Variants in RBM19 observed in about 807,000 individuals in gnomAD.
The protein encoded by RBM19 is RNA binding motif protein 19, also known as probable RNA-binding protein 19.
RBM19 carries 94 observed loss-of-function variants against 116.8 expected under a neutral mutation model. The ratio of observed to expected loss-of-function variants is 0.80; its 90% CI spans 0.68 to 0.95. The LOEUF is 0.95. Among genes scored for constraint, RBM19 ranks in the 40% least tolerant of loss-of-function variants. The pLI is 0.00. For missense variants in RBM19, 1,161 were observed against 1,220.7 expected (o/e 0.95, Z 0.73); for synonymous variants, 475 against 494.1 (o/e 0.96, Z 0.51).
chr12:113,924,879 G>A (rs533243993), intron 17 of RBM19, 122 bp from the exon 18 acceptor site: 1 of 791,266 alleles, frequency 1.3e-6, no homozygotes, highest in African/African-American at 1.7e-5. Flanking sequence ...AAAACATTTT[G>A]AGGTGATGAG....
intron 16 of RBM19, among the ~76,000 whole-genome samples, chr12:113,928,079 G>A (rs1462790407): frequency 3.3e-5 from 5 of 152,312 alleles, no homozygotes; most frequent in African/African-American, 4.8e-5. Flanking sequence ...GCTCATGCCT[G>A]TAATCCCAGC....
intron 22 of RBM19, among the ~76,000 whole-genome samples, chr12:113,850,233 G>C: frequency 6.6e-6 from 1 of 152,312 alleles, no homozygotes; most frequent in South Asian, 2.1e-4. Flanking sequence ...CCTTGACCGG[G>C]GGACAGGTGG....
intron 22 of RBM19, among the ~76,000 whole-genome samples, chr12:113,849,406 G>A (rs1041609778): frequency 1.3e-5 from 2 of 152,250 alleles, no homozygotes; most frequent in African/African-American, 4.8e-5. Flanking sequence ...AGCTGGGGAC[G>A]CAGGGCTGGC....
intron 16 of RBM19, among the ~76,000 whole-genome samples, chr12:113,928,886 A>G (rs1374347489): frequency 6.6e-6 from 1 of 152,060 alleles, no homozygotes; most frequent in East Asian, 1.9e-4. Context: ...CCTCCTCCAA[A>G]GACAAGGCTT....
chr12:113,848,306 T>C (rs554573722), intron 22 of RBM19, among the ~76,000 whole-genome samples: 1 of 152,274 alleles, frequency 6.6e-6, no homozygotes, highest in East Asian at 1.9e-4. Flanking sequence ...CAATACGTGG[T>C]TCTCCAAAAA....
At chr12:113,931,164 T>G (rs1338505286) in intron 16 of RBM19, among the ~76,000 whole-genome samples, 1 of 152,154 alleles carries the variant, frequency 6.6e-6, no homozygotes, top group Non-Finnish European at 1.5e-5. Context: ...TAAATTAATG[T>G]GAGTATATTG....
chr12:113,844,829 C>A (rs1409932259), intron 22 of RBM19, 41 bp from the exon 23 acceptor site: 2 of 1,554,468 alleles, frequency 1.3e-6, no homozygotes, highest in East Asian at 2.3e-5. Flanking sequence ...TCAGCTGGAT[C>A]AGTGCGGCAG....
Position 113,945,925 on chromosome 12 carries a change from C to G in RBM19, c.1530-1G>C, listed in dbSNP as rs780262254. 1.9e-6 allele frequency: 3 copies of G among 1,563,098 alleles called. No homozygotes were observed. Among genetic ancestry groups the G allele is most frequent in the Non-Finnish European group, 2.6e-6 (3 of 1,133,652 alleles). ...GAATAGTGTGTTCCAGTTGTGAGAG[C>G]TAAGAGGCAGAGGCAGAACAGGGAG... is the stretch of plus-strand genomic sequence containing the variant. On this transcript the variant is annotated splice_acceptor_variant, in intron 12 of 23. Transcript: ENST00000261741. LOFTEE classifies it high-confidence loss of function.
rs1409344895 is a variant in RBM19, at chr12:113,956,487, A to G, written c.841-1276T>C. Among the ~76,000 whole-genome samples, 59 of 149,518 alleles carry G rather than the reference A, an allele frequency of 3.9e-4. No individual in the cohort carries two copies. In the Admixed American group the frequency reaches 4.0e-3, roughly 10 times the overall value. ...TCCCAGCTACTCGGGAGGCTGAGGC[A>G]TGAGAATCACTTGAACCCGGGAGGC... On this transcript the variant is annotated intron_variant, in intron 6 of 23. Transcript: ENST00000261741.
At chr12:113,850,788 TCCCTG>T (rs1593481632) in intron 22 of RBM19, among the ~76,000 whole-genome samples, 2 of 152,204 alleles carry the variant, frequency 1.3e-5, no homozygotes, top group East Asian at 1.9e-4. Context: ...CAGGGAGCTG[TCCCTG>T]GCAAAGCCAG....
At chr12:113,829,450 G>C (rs118139943) in intron 23 of RBM19, among the ~76,000 whole-genome samples, 4,515 of 152,322 alleles carry the variant, frequency 0.03, 231 homozygotes, top group Admixed American at 0.14. Context: ...CCTGTTAAAC[G>C]GGGACGGTGC....
intron 21 of RBM19, among the ~76,000 whole-genome samples, chr12:113,863,211 CTGTGTGTG>C (rs3065431): frequency 1.3e-5 from 2 of 148,412 alleles, no homozygotes; most frequent in African/African-American, 2.5e-5. Context: ...ATACGTGTGT[CTGTGTGTG>C]TGTGTGTGTG....
downstream of RBM19, among the ~76,000 whole-genome samples, chr12:113,819,458 G>A (rs193017145): frequency 6.6e-6 from 1 of 152,304 alleles, no homozygotes; most frequent in Non-Finnish European, 1.5e-5. Flanking sequence ...TGTGGCTGAG[G>A]CAGTTTCCTG....
chr12:113,896,973 T>C lies in RBM19; in HGVS notation c.2558+17996A>G, dbSNP rs971524240. Among the ~76,000 whole-genome samples the C allele has an allele frequency of 3.9e-4, 59 of 152,182 alleles. 2 individuals carry two copies. Among genetic ancestry groups the C allele is most frequent in the Admixed American group, 3.5e-3 (53 of 15,282 alleles). On this transcript the variant is annotated intron_variant, in intron 21 of 23. Transcript: ENST00000261741. ...ACCATCTCTGACAGATGTGGCTGTT[T>C]TTCCTCAGAAATCTGAAATAGCCCA...
chr12:113,959,855 A>T lies in RBM19; in HGVS notation c.378+10T>A. 1 of 1,614,014 alleles carries T rather than the reference A, an allele frequency of 6.2e-7. No individual in the cohort carries two copies. The highest frequency in any genetic ancestry group is 8.5e-7 in the Non-Finnish European group (1 of 1,179,966). On this transcript the variant is annotated intron_variant, in intron 4 of 23. Transcript: ENST00000261741. ...CCCTCTCTCCTCCTTGGGCAACAGG[A>T]CAGACTCACCTTCTCCAGTTGACCT...
chr12:113,820,025 G>A (rs73205394), downstream of RBM19, among the ~76,000 whole-genome samples: 122 of 151,064 alleles, frequency 8.1e-4, no homozygotes, highest in Admixed American at 2.8e-3. Flanking sequence ...TGAGTGCTGT[G>A]ACTGAGAGGG....
Position 113,915,081 on chromosome 12 carries a change from C to T in RBM19, c.2446G>A (p.Ala816Thr). ...TGTTTCTTCCGAGCCAATGTCACGG[C>T]TGGCCTGGAGTGGTGGGGGGAGAGG... ...VRISERATKP[A>T]VTLARKKQVP... The change falls in exon 21 of 24, where the codon GCC becomes ACC. Residue 816 changes from alanine (A) to threonine (T), a missense_variant. By Grantham distance (58) the Ala-to-Thr change is moderately conservative. Transcript: ENST00000261741. 1 of 1,613,982 alleles carries T rather than the reference C, an allele frequency of 6.2e-7. No homozygotes were observed. Among genetic ancestry groups the T allele is most frequent in the South Asian group, 1.1e-5 (1 of 91,076 alleles).
chr12:113,910,506 A>T (rs1265420730), intron 21 of RBM19, among the ~76,000 whole-genome samples: 1 of 152,076 alleles, frequency 6.6e-6, no homozygotes. Context: ...TGTTTGCAGA[A>T]CCTCCTTCCT....
chr12:113,940,216 T>C (rs537215931), intron 14 of RBM19, 56 bp from the exon 15 acceptor site: 2 of 1,546,562 alleles, frequency 1.3e-6, no homozygotes, highest in South Asian at 1.2e-5. Flanking sequence ...GGTCCCCAGC[T>C]GACACCAGCA....
Sources: gnomAD v4.1 joint callset for allele counts (sites outside exome capture counted in the v4.1 genomes callset) on GRCh38, gnomAD v4.1.1 for gene constraint, MANE v1.5 for transcripts, NCBI Gene and HGNC (gene_info 2026-07-23, HGNC 2026-07-21) for gene names.